The following JAM3 variants were observed in gnomAD, a reference collection of about 807,000 sequenced individuals.
JAM3 encodes junctional adhesion molecule 3.
JAM3 carries 31 observed loss-of-function variants against 39.4 expected under a neutral mutation model. That is an observed-to-expected ratio of 0.79 (90% CI 0.59 to 1.06). The LOEUF is 1.06. Among genes scored for constraint, JAM3 ranks in the 50% least tolerant of loss-of-function variants. The pLI, the probability that JAM3 is intolerant of heterozygous loss-of-function variation, is 0.00. For missense variants in JAM3, 455 were observed against 391.4 expected, an observed-to-expected ratio of 1.16 and a Z score of -1.37; for synonymous variants, 182 against 148.7, an observed-to-expected ratio of 1.22 and a Z score of -1.63.
At chr11:134,111,446 G>A (rs929362256) in intron 1 of JAM3, among the ~76,000 whole-genome samples, 2 of 151,932 alleles carry the variant, frequency 1.3e-5, no homozygotes, top group Non-Finnish European at 1.5e-5. Context: ...GAAAATCAAG[G>A]CATTCATTTT....
intron 3 of JAM3, among the ~76,000 whole-genome samples, chr11:134,141,539 G>A (rs576996035): frequency 1.5e-4 from 23 of 152,178 alleles, no homozygotes; most frequent in African/African-American, 4.6e-4. Context: ...CTGAGGGCCC[G>A]CTGTGAGGCT....
chr11:134,123,812 T>C, intron 1 of JAM3: 1 of 755,354 alleles, frequency 1.3e-6, no homozygotes. Flanking sequence ...GAGCCTTCAT[T>C]TACATTTCTT....
At chr11:134,089,709 T>C (rs970920444) in intron 1 of JAM3, among the ~76,000 whole-genome samples, 1 of 152,214 alleles carries the variant, frequency 6.6e-6, no homozygotes, top group Non-Finnish European at 1.5e-5. Flanking sequence ...AGTCTATCAT[T>C]GGTGGACATT....
chr11:134,130,191 A>G (rs189746372), intron 1 of JAM3, among the ~76,000 whole-genome samples: 4 of 152,328 alleles, frequency 2.6e-5, no homozygotes, highest in East Asian at 3.9e-4. Context: ...CTGGGAAAAC[A>G]TAAGCCCACA....
intron 1 of JAM3, among the ~76,000 whole-genome samples, chr11:134,104,563 T>C (rs1173765305): frequency 6.6e-6 from 1 of 151,892 alleles, no homozygotes; most frequent in African/African-American, 2.4e-5. Flanking sequence ...AATCAATGAA[T>C]CCAGGAGCTG....
In JAM3 at chr11:134,106,479, A is replaced by G. The variant is rs2120705776; in HGVS notation, c.77-33372A>G. 2.0e-5 allele frequency among the ~76,000 whole-genome samples: 3 copies of G among 152,338 alleles called. 1 individual carries two copies. Among genetic ancestry groups the G allele is most frequent in the Middle Eastern group, 6.8e-3 (2 of 294 alleles). On this transcript the variant is annotated intron_variant, in intron 1 of 8. Transcript: ENST00000299106. ...AAAACACCAAAAGCAATGGCAACAA[A>G]AGCCAAATTTGACAGATGGGATCTA...
intron 1 of JAM3, among the ~76,000 whole-genome samples, chr11:134,079,152 A>T (rs908365873): frequency 7.0e-4 from 106 of 152,126 alleles, no homozygotes; most frequent in African/African-American, 2.1e-3. Flanking sequence ...CCTAAGAATC[A>T]CTGCTTTAAG....
intron 1 of JAM3, among the ~76,000 whole-genome samples, chr11:134,102,873 AATCT>A (rs1942102393): frequency 6.6e-6 from 1 of 152,234 alleles, no homozygotes; most frequent in African/African-American, 2.4e-5. Flanking sequence ...GAAAAGACCA[AATCT>A]ATGTCTGATT....
At chr11:134,135,867 G>A (rs12802438) in intron 1 of JAM3, among the ~76,000 whole-genome samples, 3 of 152,196 alleles carry the variant, frequency 2.0e-5, no homozygotes, top group South Asian at 4.1e-4. Flanking sequence ...TCAGGAGTTC[G>A]AGACCAGTCT....
rs568597414 is a variant in JAM3 at position 134,099,033 on chromosome 11, C to T, written c.76+29874C>T. 1.6e-4 allele frequency among the ~76,000 whole-genome samples: 24 copies of T among 152,138 alleles called. No individual in the cohort carries two copies. In the South Asian group the frequency reaches 4.8e-3, roughly 30 times the overall value. On this transcript the variant is annotated intron_variant, in intron 1 of 8. Coordinates refer to ENST00000299106, the MANE Select transcript of JAM3 (RefSeq NM_032801.5). ...TGGGAAATATGATGAAATCCCATCTCTGCAAAAAATACAAAAATTAGCCAT... is the reference window on the plus strand; with the variant it reads ...TGGGAAATATGATGAAATCCCATCTTTGCAAAAAATACAAAAATTAGCCAT...
At position 134,148,855 on chromosome 11, in the gene JAM3, C is replaced by T. The variant is rs202004850; in HGVS notation, c.897+37C>T. The T allele has an allele frequency of 6.9e-6, 11 of 1,602,930 alleles. No individual in the cohort carries two copies. The African/African-American group carries it at 1.1e-4, about 16-fold the overall frequency. ...GTAAACCTGGAAACCTAGGTGTACC[C>T]AGCAGGGAAAACAACATTCCCCCTT... On this transcript the variant is annotated intron_variant, in intron 8 of 8. Transcript: ENST00000299106.
intron 1 of JAM3, among the ~76,000 whole-genome samples, chr11:134,125,164 G>A (rs1298721136): frequency 6.6e-6 from 1 of 152,190 alleles, no homozygotes; most frequent in Non-Finnish European, 1.5e-5. Flanking sequence ...CTACAGCCCG[G>A]CCGATCGTGC....
chr11:134,105,814 G>A (rs1216394497), intron 1 of JAM3, among the ~76,000 whole-genome samples: 1 of 152,158 alleles, frequency 6.6e-6, no homozygotes, highest in Non-Finnish European at 1.5e-5. Context: ...CCTCTTCAAG[G>A]AGAACTAGAA....
chr11:134,123,635 A>T (rs1169586245), intron 1 of JAM3, among the ~76,000 whole-genome samples: 1 of 152,130 alleles, frequency 6.6e-6, no homozygotes, highest in African/African-American at 2.4e-5. Flanking sequence ...CTTTTCTTAA[A>T]CATTTTATTC....
intron 1 of JAM3, among the ~76,000 whole-genome samples, chr11:134,075,629 G>A (rs556593295): frequency 6.6e-6 from 1 of 152,196 alleles, no homozygotes; most frequent in Admixed American, 6.5e-5. Flanking sequence ...GTCTTACTAT[G>A]TTCCCCAGTC....
rs373386112 is a variant in JAM3, at chr11:134,139,891, A to T, written c.117A>T (p.Arg39=). The T allele has an allele frequency of 2.4e-5, 38 of 1,613,878 alleles. No homozygotes were observed. Among genetic ancestry groups the T allele is most frequent in the Non-Finnish European group, 3.2e-5 (38 of 1,179,880 alleles). The part of the protein sequence containing the change: ...IGAVNLKSSN[R]TPVVQEFESV... ...CTGTAAATCTCAAATCCAGCAATCG[A>T]ACCCCAGTGGTACAGGAATTTGAAA... is the stretch of plus-strand genomic sequence containing the variant. The change falls in exon 2 of 9, where the codon CGA becomes CGT. Residue 39 remains arginine (R), a synonymous_variant. Transcript: ENST00000299106.
chr11:134,076,872 G>C (rs1375231905), intron 1 of JAM3, among the ~76,000 whole-genome samples: 1 of 122,418 alleles, frequency 8.2e-6, no homozygotes, highest in African/African-American at 3.2e-5. Context: ...GTCTTGCTCT[G>C]TTTCCAGGCT....
chr11:134,095,471 A>C (rs1452744937), intron 1 of JAM3, among the ~76,000 whole-genome samples: 2 of 152,082 alleles, frequency 1.3e-5, no homozygotes, highest in Admixed American at 6.6e-5. Context: ...TTCTACTAAA[A>C]ATACAAAAAA....
chr11:134,139,530 G>A (rs1465188679), intron 1 of JAM3: 6 of 363,520 alleles, frequency 1.7e-5, no homozygotes, highest in Non-Finnish European at 3.2e-5. Context: ...GCCCGGGCAG[G>A]TCTGGGAGGA....
Sources: allele counts gnomAD v4.1 joint callset (sites outside exome capture counted in the v4.1 genomes callset), GRCh38; gene constraint gnomAD v4.1.1; transcripts MANE v1.5; gene names NCBI Gene and HGNC (gene_info 2026-07-23, HGNC 2026-07-21).